The following ERMP1 variants were observed in gnomAD, a reference collection of about 807,000 sequenced individuals.
ERMP1 encodes Felix-ina.
A neutral mutation model predicts 92.0 loss-of-function variants in ERMP1; 86 were observed. The observed-to-expected ratio is 0.93, with a 90% CI of 0.79 to 1.12. The LOEUF (loss-of-function observed/expected upper bound fraction) is 1.12. Among genes scored for constraint, ERMP1 ranks in the 50% most tolerant of loss-of-function variants. The probability of loss-of-function intolerance (pLI) is 0.00; values close to 1 mark genes in which losing one functional copy is unlikely to be tolerated. For missense variants in ERMP1, 1,342 were observed against 1,116.3 expected, an observed-to-expected ratio of 1.20 and a Z score of -2.88; for synonymous variants, 530 against 412.8, an observed-to-expected ratio of 1.28 and a Z score of -3.44.
chr9:5,852,384 T>G (rs1041166001), intron 6 of ERMP1, among the ~76,000 whole-genome samples: 1 of 151,852 alleles, frequency 6.6e-6, no homozygotes, highest in East Asian at 1.9e-4. Context: ...CTCCTCAGCC[T>G]CCCTCATAGC....
chr9:5,787,278 T>C lies in ERMP1; in HGVS notation c.2581A>G (p.Thr861Ala). 4 of 1,613,722 alleles carry C rather than the reference T, an allele frequency of 2.5e-6. No individual in the cohort carries two copies. The highest frequency in any genetic ancestry group is 1.7e-5 in the Admixed American group (1 of 59,930). Reference sequence around the variant, plus strand: ...AGATAGTGGGCAGCAATGGCCACGGTGACCATTCCTTCAGGATGTTCTTCT... The same window carrying C: ...AGATAGTGGGCAGCAATGGCCACGGCGACCATTCCTTCAGGATGTTCTTCT... ...VSEEHPEGMV[T>A]VAIAAHYLSG... The change falls in exon 15 of 15, where the codon ACC becomes GCC. Residue 861 changes from threonine (T) to alanine (A), a missense_variant. By Grantham distance (58) the Thr-to-Ala change is moderately conservative. Transcript: ENST00000339450.
intron 3 of ERMP1, among the ~76,000 whole-genome samples, chr9:5,824,329 T>C (rs932614164): frequency 2.0e-5 from 3 of 152,040 alleles, no homozygotes; most frequent in Non-Finnish European, 4.4e-5. Context: ...ATCCCAAAAC[T>C]TTGGGAGGCC....
chr9:5,810,858 G>C (rs910659305), intron 7 of ERMP1, among the ~76,000 whole-genome samples: 5 of 152,104 alleles, frequency 3.3e-5, no homozygotes, highest in African/African-American at 1.2e-4. Context: ...AAGTCAATCT[G>C]TACAAACCAT....
intron 6 of ERMP1, among the ~76,000 whole-genome samples, chr9:5,852,259 TTTG>T (rs2129759509): frequency 6.6e-6 from 1 of 151,516 alleles, no homozygotes; most frequent in East Asian, 1.9e-4. Context: ...AGTGTTTTTT[TTTG>T]TTTTTTTGTT....
intron 5 of ERMP1, among the ~76,000 whole-genome samples, chr9:5,866,338 C>A (rs1310134116): frequency 6.6e-6 from 1 of 152,038 alleles, no homozygotes; most frequent in African/African-American, 2.4e-5. Context: ...AACAACATAC[C>A]CAAACCATAG....
At position 5,860,078 on chromosome 9, in the gene ERMP1, T is replaced by C. The variant is rs569380765; in HGVS notation, n.3056-467A>G. ...ACTTTGAGAGGCTAAGACTGGAGGA[T>C]TGCTTGAGCCCAGTTTGAGACCAGC... is the stretch of plus-strand genomic sequence containing the variant. On this transcript the variant is annotated intron_variant and non_coding_transcript_variant, in intron 5 of 6. Transcript: ENST00000690753. 5.3e-5 allele frequency among the ~76,000 whole-genome samples: 8 copies of C among 152,022 alleles called. No homozygotes were observed. In the East Asian group the frequency reaches 1.4e-3, roughly 26 times the overall value.
At chr9:5,789,450 T>C (rs1828080053) in intron 13 of ERMP1, among the ~76,000 whole-genome samples, 1 of 152,234 alleles carries the variant, frequency 6.6e-6, no homozygotes, top group Admixed American at 6.5e-5. Context: ...AGAAAACCAA[T>C]TTTAACCATA....
chr9:5,822,206 C>G (rs1829568068), intron 4 of ERMP1, among the ~76,000 whole-genome samples: 1 of 151,908 alleles, frequency 6.6e-6, no homozygotes, highest in Non-Finnish European at 1.5e-5. Flanking sequence ...GAGCCGAGAT[C>G]ATACCACTAC....
At chr9:5,839,143 C>A (rs1251174376) in intron 6 of ERMP1, among the ~76,000 whole-genome samples, 1 of 152,144 alleles carries the variant, frequency 6.6e-6, no homozygotes, top group Non-Finnish European at 1.5e-5. Context: ...GCCTGTATTC[C>A]TCAAGCACAT....
intron 8 of ERMP1, among the ~76,000 whole-genome samples, chr9:5,807,995 A>C (rs181453825): frequency 6.6e-6 from 1 of 151,588 alleles, no homozygotes; most frequent in Non-Finnish European, 1.5e-5. Context: ...GTTTTTTTTA[A>C]AAAAAAATAA....
At chr9:5,843,170 G>C (rs1425368596) in intron 6 of ERMP1, among the ~76,000 whole-genome samples, 1 of 152,202 alleles carries the variant, frequency 6.6e-6, no homozygotes, top group East Asian at 1.9e-4. Context: ...TCAGGTTAAG[G>C]TTAGAAGGAG....
At chr9:5,814,247 C>A (rs539926118) in intron 4 of ERMP1, among the ~76,000 whole-genome samples, 13 of 152,298 alleles carry the variant, frequency 8.5e-5, no homozygotes, top group African/African-American at 2.9e-4. Flanking sequence ...TGGACCATAA[C>A]TGCAGTTATT....
At chr9:5,793,928 T>C (rs895701518) in intron 13 of ERMP1, among the ~76,000 whole-genome samples, 8 of 152,046 alleles carry the variant, frequency 5.3e-5, no homozygotes, top group African/African-American at 1.9e-4. Context: ...TCATCATCAA[T>C]CGATTAGATC....
intron 13 of ERMP1, among the ~76,000 whole-genome samples, chr9:5,793,588 T>C (rs1001237594): frequency 6.6e-6 from 1 of 151,858 alleles, no homozygotes; most frequent in Non-Finnish European, 1.5e-5. Flanking sequence ...AAATTAAGAG[T>C]CAGTGGATGG....
chr9:5,798,856 A>C lies in ERMP1; in HGVS notation c.2220T>G (p.Asn740Lys). The change falls in exon 12 of 15, where the codon AAT (asparagine) becomes AAG (lysine). Residue 740 changes from asparagine (N) to lysine (K), a missense_variant. Transcript: ENST00000339450. ...NDSIRAHCEE[N>K]APLCGFPWYL... ...ACCAAGGAAAACCACAAAGAGGTGC[A>C]TTCTCCTCACAGTGAGCTCGGATAC... 6.2e-7 allele frequency: 1 copy of C among 1,614,026 alleles called. No homozygotes were observed. The highest frequency in any genetic ancestry group is 8.5e-7 in the Non-Finnish European group (1 of 1,179,926).
chr9:5,819,269 T>G (rs1829436434), intron 4 of ERMP1, among the ~76,000 whole-genome samples: 1 of 152,190 alleles, frequency 6.6e-6, no homozygotes, highest in African/African-American at 2.4e-5. Context: ...TGCGACAATG[T>G]GGATGAACCT....
At chr9:5,805,853 A>C in intron 8 of ERMP1, 68 bp from the exon 9 acceptor site, 1 of 1,212,474 alleles carries the variant, frequency 8.2e-7, no homozygotes, top group Non-Finnish European at 1.1e-6. Flanking sequence ...TTATTATAGT[A>C]ACACACTTTC....
At chr9:5,859,670 A>G (rs1209041172) in intron 5 of ERMP1, among the ~76,000 whole-genome samples, 2 of 152,206 alleles carry the variant, frequency 1.3e-5, no homozygotes, top group Non-Finnish European at 1.5e-5. Flanking sequence ...TGCTATCCCA[A>G]CTTACCCATA....
rs59464514 is a variant in ERMP1, at chr9:5,850,405, CAAAAAAAAAAAAAA to C, written n.3199+9049_3199+9062del. ...GGGCGACGAGAATGAAACTCCGTCT[CAAAAAAAAAAAAAA>C]AAAAAAAAAAGAAGAAGAAGAAAAA... On this transcript the variant is annotated intron_variant and non_coding_transcript_variant, in intron 6 of 6. Transcript: ENST00000690753. 9.9e-5 allele frequency among the ~76,000 whole-genome samples: 4 copies of C among 40,598 alleles called. No individual in the cohort carries two copies. In the East Asian group the frequency reaches 3.0e-3, roughly 30 times the overall value. The allele number at this position is 40,598 out of a possible 152,430, so 26.6% of individuals were successfully genotyped here. A position where few individuals can be genotyped will look rare whatever the true frequency, so the allele number is the denominator to read the frequency against.
Sources: allele counts gnomAD v4.1 joint callset (sites outside exome capture counted in the v4.1 genomes callset), GRCh38; gene constraint gnomAD v4.1.1; transcripts MANE v1.5; gene names NCBI Gene and HGNC (gene_info 2026-07-23, HGNC 2026-07-21).